SSBP2: variants seen among roughly 807,000 people sequenced by gnomAD.
SSBP2 encodes single-stranded DNA-binding protein 2.
SSBP2 carries 17 observed loss-of-function variants against 61.8 expected under a neutral mutation model. That is an observed-to-expected ratio of 0.28 (90% CI 0.19 to 0.41). The LOEUF is 0.41. Ranked by LOEUF, SSBP2 falls within the 10% of genes least tolerant of loss-of-function variation. SSBP2 has a pLI of 1.00. For synonymous variants in SSBP2, 139 were observed against 141.3 expected (o/e 0.98, Z 0.12); for missense variants, 310 against 458.7 (o/e 0.68, Z 2.96).
At chr5:81,612,163 T>C (rs1745515885) in intron 4 of SSBP2, among the ~76,000 whole-genome samples, 1 of 152,170 alleles carries the variant, frequency 6.6e-6, no homozygotes, top group South Asian at 2.1e-4. Context: ...ATGTCAATCA[T>C]ACCTCAGTAA....
chr5:81,467,119 C>CA (rs1764945267), intron 8 of SSBP2, 54 bp from the exon 9 acceptor site: 2 of 1,145,350 alleles, frequency 1.7e-6, no homozygotes, highest in Admixed American at 1.8e-5. Context: ...GAAAGGAGAG[C>CA]ACGTTAATGA....
At chr5:81,544,286 A>AT (rs570974447) in intron 4 of SSBP2, among the ~76,000 whole-genome samples, 68 of 152,028 alleles carry the variant, frequency 4.5e-4, no homozygotes, top group Non-Finnish European at 7.8e-4. Context: ...TGACCTCGTG[A>AT]TCCGCCCCCC....
chr5:81,479,300 G>GC (rs1765810180), intron 6 of SSBP2, among the ~76,000 whole-genome samples: 1 of 150,920 alleles, frequency 6.6e-6, no homozygotes, highest in South Asian at 2.1e-4. Flanking sequence ...TCTTTTTTTT[G>GC]TTTTTTTTGA....
chr5:81,645,583 C>T (rs1749173433), intron 2 of SSBP2, among the ~76,000 whole-genome samples: 1 of 152,182 alleles, frequency 6.6e-6, no homozygotes, highest in Non-Finnish European at 1.5e-5. Context: ...CAAGGAAGAG[C>T]AGCCATTATC....
chr5:81,531,795 CA>C (rs1420189059), intron 4 of SSBP2, among the ~76,000 whole-genome samples: 6 of 151,814 alleles, frequency 4.0e-5, no homozygotes, highest in African/African-American at 1.5e-4. Context: ...ATTAGGAGAT[CA>C]GGGTCCCTAA....
intron 4 of SSBP2, among the ~76,000 whole-genome samples, chr5:81,608,981 T>C (rs182673704): frequency 6.6e-6 from 1 of 152,128 alleles, no homozygotes; most frequent in Non-Finnish European, 1.5e-5. Flanking sequence ...ACTAATTATA[T>C]AGAGATTCAA....
Position 81,432,985 on chromosome 5 carries a change from G to GT in SSBP2, c.958-4303_958-4302insA, listed in dbSNP as rs1263233439. Among the ~76,000 whole-genome samples the GT allele has an allele frequency of 5.3e-5, 8 of 150,398 alleles. No homozygotes were observed. The East Asian group carries it at 1.4e-3, about 26-fold the overall frequency. On this transcript the variant is annotated intron_variant, in intron 15 of 16. Transcript: ENST00000320672. ...GCCGCCCCGTCCGGGAGGGAGGTGG[G>GT]GGGGGTCAGACTCCCGCCCGGCCAG...
At position 81,419,786 on chromosome 5, in the gene SSBP2, T is replaced by C. The variant is rs764002321; in HGVS notation, c.*718A>G. On this transcript the variant is annotated 3_prime_UTR_variant, in exon 17 of 17. Coordinates refer to ENST00000320672, the MANE Select transcript of SSBP2 (RefSeq NM_012446.5). ...TTAAGCTTTTACTGATTTGAAGTGTTTTTCTCAAATAAAAATTAAAAAAAT... is the reference window on the plus strand; with the variant it reads ...TTAAGCTTTTACTGATTTGAAGTGTCTTTCTCAAATAAAAATTAAAAAAAT... The C allele has an allele frequency of 2.0e-5, 3 of 152,214 alleles. No individual in the cohort carries two copies. Among genetic ancestry groups the C allele is most frequent in the Non-Finnish European group, 4.4e-5 (3 of 68,034 alleles). The allele number at this position is 152,214 out of a possible 1,614,324, so 9.4% of individuals were successfully genotyped here.
At chr5:81,589,193 AAACT>A (rs1561573532) in intron 4 of SSBP2, among the ~76,000 whole-genome samples, 1 of 152,240 alleles carries the variant, frequency 6.6e-6, no homozygotes, top group African/African-American at 2.4e-5. Flanking sequence ...AAAAAATATC[AAACT>A]AACATGGGCA....
intron 1 of SSBP2, among the ~76,000 whole-genome samples, chr5:81,746,194 T>C (rs1006037252): frequency 6.6e-6 from 1 of 152,142 alleles, no homozygotes; most frequent in Admixed American, 6.5e-5. Flanking sequence ...ATTCTTTCTT[T>C]AGATATGTTC....
chr5:81,751,070 C>T lies in SSBP2; in HGVS notation c.-28G>A. ...TTGTGCCGAGAGCAGCTCCCACTGT[C>T]ACGCACCTGTCAACCCATCACAGCC... On this transcript the variant is annotated 5_prime_UTR_variant, in exon 1 of 17. Transcript: ENST00000320672. 1 of 1,573,638 alleles carries T rather than the reference C, an allele frequency of 6.4e-7. No individual in the cohort carries two copies. The highest frequency in any genetic ancestry group is 8.6e-7 in the Non-Finnish European group (1 of 1,159,526).
At chr5:81,667,720 A>T (rs965186936) in intron 1 of SSBP2, among the ~76,000 whole-genome samples, 8 of 152,176 alleles carry the variant, frequency 5.3e-5, no homozygotes, top group Non-Finnish European at 8.8e-5. Context: ...ACTTGCCCAA[A>T]TTACTAAAAT....
chr5:81,501,268 T>TATATATATACATAC (rs1205403428), intron 5 of SSBP2, among the ~76,000 whole-genome samples: 1 of 35,772 alleles, frequency 2.8e-5, no homozygotes, highest in Non-Finnish European at 5.2e-5. Flanking sequence ...TATATATATA[T>TATATATATACATAC]ACACACACAC....
intron 15 of SSBP2, among the ~76,000 whole-genome samples, chr5:81,429,503 T>G (rs1020158822): frequency 1.3e-5 from 2 of 152,170 alleles, no homozygotes; most frequent in African/African-American, 4.8e-5. Flanking sequence ...TAGAATGACA[T>G]TGGACTATAA....
At chr5:81,508,641 C>T (rs1768363500) in intron 5 of SSBP2, among the ~76,000 whole-genome samples, 1 of 152,092 alleles carries the variant, frequency 6.6e-6, no homozygotes, top group Non-Finnish European at 1.5e-5. Flanking sequence ...TAATTCATTG[C>T]TATTTTTCAA....
intron 5 of SSBP2, among the ~76,000 whole-genome samples, chr5:81,510,598 T>G (rs1310751959): frequency 6.6e-6 from 1 of 151,942 alleles, no homozygotes; most frequent in Non-Finnish European, 1.5e-5. Flanking sequence ...CTGTCTCTAC[T>G]AAAAATACAA....
intron 1 of SSBP2, among the ~76,000 whole-genome samples, chr5:81,681,552 C>T (rs952178171): frequency 6.7e-6 from 1 of 149,918 alleles, no homozygotes; most frequent in Non-Finnish European, 1.5e-5. Flanking sequence ...TACAACTTAC[C>T]AAAATTTGTG....
chr5:81,511,766 C>G (rs747465178), intron 5 of SSBP2, among the ~76,000 whole-genome samples: 6 of 152,092 alleles, frequency 3.9e-5, no homozygotes, highest in Admixed American at 1.3e-4. Context: ...TTTAATAATG[C>G]CTCACGGGCT....
rs140773150 is a variant in SSBP2 at position 81,509,936 on chromosome 5, A to T, written c.372+3692T>A. ...TTTATTCCTTTCTAATTCTACTGCC[A>T]CTGATCTTGAATCAGTTCAGAAAGT... is the stretch of plus-strand genomic sequence containing the variant. On this transcript the variant is annotated intron_variant, in intron 5 of 16. Transcript: ENST00000320672. Among the ~76,000 whole-genome samples the T allele has an allele frequency of 2.6e-3, 392 of 152,288 alleles. 1 individual carries two copies. The highest frequency in any genetic ancestry group is 9.0e-3 in the African/African-American group (372 of 41,546).
Sources: allele counts gnomAD v4.1 joint callset (sites outside exome capture counted in the v4.1 genomes callset), GRCh38; gene constraint gnomAD v4.1.1; transcripts MANE v1.5; gene names NCBI Gene and HGNC (gene_info 2026-07-23, HGNC 2026-07-21).